Variants in PCDHGA2 observed in about 807,000 individuals in gnomAD.
The protein encoded by PCDHGA2 is protocadherin gamma-A2.
A neutral mutation model predicts 59.2 loss-of-function variants in PCDHGA2; 40 were observed. The ratio of observed to expected loss-of-function variants is 0.68; its 90% CI spans 0.52 to 0.88. The LOEUF is 0.88. PCDHGA2 is among the 40% of genes least tolerant of loss of function. The probability of loss-of-function intolerance (pLI) is 0.00; values close to 1 mark genes in which losing one functional copy is unlikely to be tolerated. For missense variants in PCDHGA2, 1,226 were observed against 1,204.0 expected, an observed-to-expected ratio of 1.02 and a Z score of -0.27; for synonymous variants, 560 against 526.0, an observed-to-expected ratio of 1.06 and a Z score of -0.89.
At chr5:141,347,114 C>T (rs1057025155) in intron 1 of PCDHGA2, among the ~76,000 whole-genome samples, 13 of 88,962 alleles carry the variant, frequency 1.5e-4, no homozygotes, top group Admixed American at 3.6e-4. Context: ...TCTCTTTCCT[C>T]CTTCCTTCCT....
At chr5:141,499,397 T>A (rs1171838687) in intron 2 of PCDHGA2, among the ~76,000 whole-genome samples, 2 of 152,122 alleles carry the variant, frequency 1.3e-5, no homozygotes, top group African/African-American at 4.8e-5. Flanking sequence ...AAATAGTACA[T>A]GCTCATTATA....
chr5:141,410,779 T>C, intron 1 of PCDHGA2: 4 of 947,572 alleles, frequency 4.2e-6, no homozygotes, highest in Non-Finnish European at 6.0e-6. Flanking sequence ...TTTCACTATG[T>C]ATTTGGTTCA....
chr5:141,451,322 T>C (rs1452969719), intron 1 of PCDHGA2, among the ~76,000 whole-genome samples: 1 of 152,236 alleles, frequency 6.6e-6, no homozygotes, highest in African/African-American at 2.4e-5. Flanking sequence ...AAGTGTCACC[T>C]AAGGCTATTG....
At chr5:141,410,893 G>A (rs1302061377) in intron 1 of PCDHGA2, 5 of 276,602 alleles carry the variant, frequency 1.8e-5, no homozygotes, top group South Asian at 4.6e-5. Context: ...TCGCACTGTT[G>A]CCTAGGCTGG....
At chr5:141,419,533 C>T in intron 1 of PCDHGA2, 1 of 1,612,106 alleles carries the variant, frequency 6.2e-7, no homozygotes, top group Non-Finnish European at 8.5e-7. Context: ...GTAACGACAA[C>T]GCACCGCGGG....
At chr5:141,366,416 G>T (rs767881897) in intron 1 of PCDHGA2, 1 of 1,614,118 alleles carries the variant, frequency 6.2e-7, no homozygotes, top group Non-Finnish European at 8.5e-7. Flanking sequence ...TCTTGTGGTG[G>T]CAGTGGCTGC....
chr5:141,352,307 G>C, intron 1 of PCDHGA2: 1 of 1,614,058 alleles, frequency 6.2e-7, no homozygotes, highest in African/African-American at 1.3e-5. Context: ...CCCCCAGACG[G>C]AACTGCAGTT....
intron 2 of PCDHGA2, among the ~76,000 whole-genome samples, chr5:141,503,132 CCT>C (rs1388312522): frequency 6.6e-6 from 1 of 151,994 alleles, no homozygotes; most frequent in Non-Finnish European, 1.5e-5. Flanking sequence ...TCTGGTAGCC[CCT>C]GACACAGCCC....
intron 1 of PCDHGA2, among the ~76,000 whole-genome samples, chr5:141,402,305 A>AT (rs2150927260): frequency 6.6e-6 from 1 of 152,140 alleles, no homozygotes; most frequent in South Asian, 2.1e-4. Flanking sequence ...GTATTAATAC[A>AT]ATTATATATT....
rs1416393791 is a variant in PCDHGA2 at position 141,346,609 on chromosome 5, G to T, written c.2424+5214G>T. 6.0e-6 allele frequency: 7 copies of T among 1,166,324 alleles called. No individual in the cohort carries two copies. In the Admixed American group the frequency reaches 1.0e-4, roughly 17 times the overall value. 72.2% of individuals were successfully genotyped at this position (1,166,324 alleles called of 1,614,324 possible). ...GTCCCCCTTTCTTTCTGGGCCTATA[G>T]TAGGACTGCACTCCCCGGTCTGGTT... On this transcript the variant is annotated intron_variant, in intron 1 of 3. Transcript: ENST00000394576.
chr5:141,417,678 A>G (rs1306009640), intron 1 of PCDHGA2: 4 of 997,368 alleles, frequency 4.0e-6, no homozygotes, highest in Non-Finnish European at 5.7e-6. Flanking sequence ...GCAGCCAACA[A>G]CAGAAAAGAA....
rs1006751011 is a variant in PCDHGA2, at chr5:141,431,033, C to T, written c.2425-63774C>T. ...CTTGGTCACGGCGGGCAGGATAGAC[C>T]GGGAGGAGCTCTGTATGGGGGCCAT... On this transcript the variant is annotated intron_variant, in intron 1 of 3. Coordinates refer to ENST00000394576, the MANE Select transcript of PCDHGA2 (RefSeq NM_018915.4). This position sits in a 1 kb window ranked among gnomAD's most constrained non-coding sequence, Gnocchi z 4.8. 1.2e-6 allele frequency: 2 copies of T among 1,613,864 alleles called. No homozygotes were observed. The highest frequency in any genetic ancestry group is 1.3e-5 in the African/African-American group (1 of 74,924).
chr5:141,427,793 G>C, intron 1 of PCDHGA2: 1 of 1,495,528 alleles, frequency 6.7e-7, no homozygotes, highest in Non-Finnish European at 9.2e-7. Flanking sequence ...CGTCCTACGT[G>C]TCCGTGAGCG....
chr5:141,389,726 C>G (rs150721796), intron 1 of PCDHGA2: 2 of 1,612,720 alleles, frequency 1.2e-6, no homozygotes, highest in Non-Finnish European at 1.7e-6. Flanking sequence ...AGCCCGGGCT[C>G]TTCAGCCTGG....
chr5:141,477,988 C>T lies in PCDHGA2; in HGVS notation c.2425-16819C>T, dbSNP rs771241128. The T allele has an allele frequency of 6.2e-7, 1 of 1,614,160 alleles. No individual in the cohort carries two copies. Among genetic ancestry groups the T allele is most frequent in the Non-Finnish European group, 8.5e-7 (1 of 1,180,032 alleles). On this transcript the variant is annotated intron_variant, in intron 1 of 3. Coordinates refer to ENST00000394576, the MANE Select transcript of PCDHGA2 (RefSeq NM_018915.4). This position sits in a 1 kb window ranked among gnomAD's most constrained non-coding sequence, Gnocchi z 4.9. ...AGAGCCTTTTTGCCATAGGGCTGCA[C>T]ACTGGTCAAATCAGTACTGCCCGTC...
At chr5:141,375,524 G>C (rs746416710) in intron 1 of PCDHGA2, 2 of 1,613,868 alleles carry the variant, frequency 1.2e-6, no homozygotes, top group African/African-American at 2.7e-5. Flanking sequence ...GGACCCTGAC[G>C]TGGACCAGAA....
chr5:141,361,134 CCAAG>C lies in PCDHGA2; in HGVS notation c.2424+19740_2424+19743del, dbSNP rs750013813. 191 of 1,613,798 alleles carry C rather than the reference CCAAG, an allele frequency of 1.2e-4. 1 individual carries two copies. The Admixed American group carries it at 3.2e-3, about 27-fold the overall frequency. On this transcript the variant is annotated intron_variant, in intron 1 of 3. Transcript: ENST00000394576. ...GAGATCTAGCAGCCCACTGCAGTAT[CCAAG>C]TTGAAATTCTTGATGACAACGATTG...
intron 2 of PCDHGA2, among the ~76,000 whole-genome samples, chr5:141,501,847 C>T (rs976699397): frequency 1.3e-5 from 2 of 152,140 alleles, no homozygotes; most frequent in Admixed American, 6.5e-5. Context: ...GGCCCTCAAC[C>T]TTCAACCATT....
intron 3 of PCDHGA2, among the ~76,000 whole-genome samples, chr5:141,510,272 T>TA (rs546154379): frequency 0.17 from 22,022 of 130,294 alleles, 2,255 homozygotes; most frequent in African/African-American, 0.28. Flanking sequence ...GACTCCATCT[T>TA]AAAAAAAAAA....
Sources: allele counts gnomAD v4.1 joint callset (sites outside exome capture counted in the v4.1 genomes callset), GRCh38; gene constraint gnomAD v4.1.1; non-coding constraint Gnocchi (gnomAD v3.1); transcripts MANE v1.5; gene names NCBI Gene and HGNC (gene_info 2026-07-23, HGNC 2026-07-21).